The following ZNF407 variants were observed in gnomAD, a reference collection of about 807,000 sequenced individuals.
ZNF407 encodes zinc finger protein 407.
Under a neutral mutation model 131.2 loss-of-function variants are expected in ZNF407, and 17 were observed. The observed-to-expected ratio is 0.13, with a 90% CI of 0.09 to 0.19. The LOEUF is 0.19. ZNF407 is among the 10% of genes least tolerant of loss of function. The pLI is 1.00. For missense variants in ZNF407, 2,681 were observed against 2,830.6 expected, an observed-to-expected ratio of 0.95 and a Z score of 1.20; for synonymous variants, 1,156 against 1,062.0, an observed-to-expected ratio of 1.09 and a Z score of -1.72.
chr18:74,835,652 G>GTA (rs1970548168), intron 4 of ZNF407, among the ~76,000 whole-genome samples: 1 of 151,716 alleles, frequency 6.6e-6, no homozygotes, highest in South Asian at 2.1e-4. Context: ...GTGTGTGTGT[G>GTA]TGTGTGTGTG....
At chr18:74,767,296 G>A (rs527972318) in intron 3 of ZNF407, among the ~76,000 whole-genome samples, 1 of 152,258 alleles carries the variant, frequency 6.6e-6, no homozygotes, top group East Asian at 1.9e-4. Context: ...TTATAGGAAA[G>A]TAATTCAACC....
chr18:75,065,247 G>A lies in ZNF407; in HGVS notation c.*779G>A, dbSNP rs568991614. 9 of 152,360 alleles carry A rather than the reference G, an allele frequency of 5.9e-5. No individual in the cohort carries two copies. Among genetic ancestry groups the A allele is most frequent in the Admixed American group, 5.9e-4 (9 of 15,294 alleles). The allele number at this position is 152,360 out of a possible 1,614,324, so 9.4% of individuals were successfully genotyped here. On this transcript the variant is annotated 3_prime_UTR_variant, in exon 9 of 9. Transcript: ENST00000299687. ...TTTTGACTTAGTTTCATACAGTAAA[G>A]CCTAAATGTGAAACGCACACGCTGG...
At chr18:74,717,497 A>G (rs933684009) in intron 3 of ZNF407, among the ~76,000 whole-genome samples, 1 of 152,234 alleles carries the variant, frequency 6.6e-6, no homozygotes, top group Non-Finnish European at 1.5e-5. Context: ...TGAATTATGT[A>G]TACAGATCTA....
chr18:74,804,139 C>CT (rs547582109), intron 4 of ZNF407: 38,314 of 969,324 alleles, frequency 0.04, 1 homozygote, highest in South Asian at 0.064. Flanking sequence ...ATTTCATTGT[C>CT]TTTTTTTTTT....
chr18:75,044,117 G>C (rs1973405066), intron 8 of ZNF407, among the ~76,000 whole-genome samples: 1 of 152,106 alleles, frequency 6.6e-6, no homozygotes, highest in South Asian at 2.1e-4. Flanking sequence ...CTGGAAGTGA[G>C]AGCAGTTGAC....
intron 3 of ZNF407, among the ~76,000 whole-genome samples, chr18:74,692,882 T>C (rs1967261518): frequency 6.6e-6 from 1 of 152,144 alleles, no homozygotes; most frequent in Non-Finnish European, 1.5e-5. Flanking sequence ...TCCTGCTGTG[T>C]GAGGCTTTTG....
chr18:74,789,059 A>C (rs1969775538), intron 4 of ZNF407, among the ~76,000 whole-genome samples: 1 of 152,158 alleles, frequency 6.6e-6, no homozygotes, highest in African/African-American at 2.4e-5. Context: ...TGAAGATGAC[A>C]CAGCCTCTGT....
At chr18:74,855,510 A>T (rs1168341633) in intron 4 of ZNF407, among the ~76,000 whole-genome samples, 1 of 152,194 alleles carries the variant, frequency 6.6e-6, no homozygotes, top group Non-Finnish European at 1.5e-5. Context: ...ATATTCCCAA[A>T]AGCCATAATG....
intron 4 of ZNF407, among the ~76,000 whole-genome samples, chr18:74,844,955 C>T (rs931763800): frequency 1.1e-4 from 17 of 152,186 alleles, no homozygotes; most frequent in African/African-American, 3.9e-4. Flanking sequence ...AAAGCAAGTT[C>T]TGAAAGTGAA....
In ZNF407 at chr18:74,751,503, C is replaced by G. The variant is rs200274651; in HGVS notation, c.4803-29925C>G. On this transcript the variant is annotated intron_variant, in intron 3 of 8. Transcript: ENST00000299687. Reference sequence around the variant, plus strand: ...TCGTCATTTACATTAGGTATATCTTCTAATGCTATCCCTCTCCCCTCCCCC... The same window carrying G: ...TCGTCATTTACATTAGGTATATCTTGTAATGCTATCCCTCTCCCCTCCCCC... Among the ~76,000 whole-genome samples, 15 of 152,228 alleles carry G rather than the reference C, an allele frequency of 9.9e-5. No individual in the cohort carries two copies. The East Asian group carries it at 2.9e-3, about 29-fold the overall frequency.
intron 4 of ZNF407, among the ~76,000 whole-genome samples, chr18:74,823,242 A>G (rs1403465171): frequency 1.3e-5 from 2 of 152,232 alleles, no homozygotes; most frequent in African/African-American, 4.8e-5. Context: ...AACCAGTACC[A>G]GCCACTGCAA....
intron 3 of ZNF407, among the ~76,000 whole-genome samples, chr18:74,642,317 G>C (rs17055293): frequency 0.019 from 2,946 of 152,118 alleles, 98 homozygotes; most frequent in African/African-American, 0.067. Context: ...TAGCTGCAAG[G>C]GTCAGGTGTC....
chr18:74,607,295 T>C (rs752733709), intron 1 of ZNF407, among the ~76,000 whole-genome samples: 3 of 152,194 alleles, frequency 2.0e-5, no homozygotes, highest in Non-Finnish European at 4.4e-5. Flanking sequence ...CTGCCAGTCC[T>C]GAGACCACAC....
chr18:74,768,598 T>TA (rs1447531820), intron 3 of ZNF407, among the ~76,000 whole-genome samples: 1 of 152,226 alleles, frequency 6.6e-6, no homozygotes, highest in Non-Finnish European at 1.5e-5. Context: ...CTTTGAGACT[T>TA]ACTGAATTTC....
chr18:74,903,774 A>G (rs1273669509), intron 7 of ZNF407, among the ~76,000 whole-genome samples: 2 of 152,258 alleles, frequency 1.3e-5, no homozygotes, highest in East Asian at 3.8e-4. Context: ...AGTGAAAGGA[A>G]GTGATTCAAT....
rs190297561 is a variant in ZNF407 at position 74,815,998 on chromosome 18, G to A, written c.4877+34496G>A. Among the ~76,000 whole-genome samples, 8 of 152,218 alleles carry A rather than the reference G, an allele frequency of 5.3e-5. No homozygotes were observed. The East Asian group carries it at 1.2e-3, about 22-fold the overall frequency. ...TAAAATGTATCTAAGTATGGACTGCGTTTACTTCTCCAGCACGATTCGTTT... is the reference window on the plus strand; with the variant it reads ...TAAAATGTATCTAAGTATGGACTGCATTTACTTCTCCAGCACGATTCGTTT... On this transcript the variant is annotated intron_variant, in intron 4 of 8. Transcript: ENST00000299687.
chr18:74,748,181 C>G (rs1479893913), intron 3 of ZNF407, among the ~76,000 whole-genome samples: 2 of 152,048 alleles, frequency 1.3e-5, no homozygotes, highest in Non-Finnish European at 1.5e-5. Flanking sequence ...TTAGGCATGA[C>G]TCAGGGCTTG....
chr18:74,646,061 A>G (rs1276743255), intron 3 of ZNF407, among the ~76,000 whole-genome samples: 14 of 152,242 alleles, frequency 9.2e-5, no homozygotes. Context: ...ATCAAAGTCT[A>G]AATGCAGATA....
At chr18:74,901,867 T>C (rs1380953417) in intron 7 of ZNF407, among the ~76,000 whole-genome samples, 1 of 152,088 alleles carries the variant, frequency 6.6e-6, no homozygotes, top group African/African-American at 2.4e-5. Flanking sequence ...ACACTGTATG[T>C]TGTTCTGTAA....
Sources: allele counts gnomAD v4.1 joint callset (sites outside exome capture counted in the v4.1 genomes callset), GRCh38; gene constraint gnomAD v4.1.1; transcripts MANE v1.5; gene names NCBI Gene and HGNC (gene_info 2026-07-23, HGNC 2026-07-21).